ADGRA3: variants seen among roughly 807,000 people sequenced by gnomAD.
The protein encoded by ADGRA3 is adhesion G protein-coupled receptor A3.
ADGRA3 carries 56 observed loss-of-function variants against 119.8 expected under a neutral mutation model. The observed-to-expected ratio is 0.47, with a 90% CI of 0.38 to 0.58. ADGRA3 has a LOEUF of 0.58. ADGRA3 is among the 20% of genes least tolerant of loss of function. The pLI, the probability that ADGRA3 is intolerant of heterozygous loss-of-function variation, is 0.00. For missense variants in ADGRA3, 1,516 were observed against 1,649.0 expected, an observed-to-expected ratio of 0.92 and a Z score of 1.40; for synonymous variants, 607 against 623.8, an observed-to-expected ratio of 0.97 and a Z score of 0.40.
At chr4:22,461,107 C>T (rs16872686) in intron 3 of ADGRA3, among the ~76,000 whole-genome samples, 10,990 of 152,122 alleles carry the variant, frequency 0.072, 611 homozygotes, top group East Asian at 0.18. Context: ...TAAAAGGTAC[C>T]TCTGTTTATA....
chr4:22,413,348 G>A lies in ADGRA3; in HGVS notation c.2066C>T (p.Thr689Ile), dbSNP rs1332604226. The A allele has an allele frequency of 3.1e-6, 5 of 1,614,050 alleles. No individual in the cohort carries two copies. The highest frequency in any genetic ancestry group is 1.1e-5 in the South Asian group (1 of 91,084). Reference sequence around the variant, plus strand: ...TGCTCCATGTGCAATTCGACGCAGTGTCACATTAACAGGGATGTGGTGGGT... The same window carrying A: ...TGCTCCATGTGCAATTCGACGCAGTATCACATTAACAGGGATGTGGTGGGT... ...VDTHHIPVNV[T>I]LRRIAHGADA... Residue 689 changes from threonine (T) to isoleucine (I), a missense_variant, in exon 14 of 19, where the codon ACA (threonine) becomes ATA (isoleucine). Physicochemically the swap from Thr to Ile is moderately conservative, Grantham distance 89. Around this residue, in one of 2 missense-constraint regions of ADGRA3, gnomAD observed 1,088 missense variants for 1,107.1 expected, o/e 0.98. Transcript: ENST00000334304.
intron 11 of ADGRA3, among the ~76,000 whole-genome samples, chr4:22,421,333 G>C (rs1374841777): frequency 6.6e-6 from 1 of 151,480 alleles, no homozygotes. Context: ...AAGAAGTCAT[G>C]AAGTACAGAA....
At position 22,486,648 on chromosome 4, in the gene ADGRA3, G is replaced by A. The variant is rs147740111; in HGVS notation, c.258-12805C>T. Among the ~76,000 whole-genome samples, 10 of 152,246 alleles carry A rather than the reference G, an allele frequency of 6.6e-5. No homozygotes were observed. In the East Asian group the frequency reaches 1.9e-3, roughly 29 times the overall value. On this transcript the variant is annotated intron_variant, in intron 1 of 18. Coordinates refer to ENST00000334304, the MANE Select transcript of ADGRA3 (RefSeq NM_145290.4). ...GGGTGAGGATGTGGTTCAGTGCCCT[G>A]GCTGGCAACTCTAACCTATTTTGTA...
At chr4:22,416,842 T>G (rs1282421660) in intron 12 of ADGRA3, among the ~76,000 whole-genome samples, 1 of 152,160 alleles carries the variant, frequency 6.6e-6, no homozygotes, top group Non-Finnish European at 1.5e-5. Flanking sequence ...ACAATGACAC[T>G]AAGCTAAAAG....
intron 1 of ADGRA3, among the ~76,000 whole-genome samples, chr4:22,500,022 G>T (rs1326421435): frequency 1.3e-5 from 2 of 152,160 alleles, no homozygotes; most frequent in South Asian, 2.1e-4. Flanking sequence ...GCTCCAAAGA[G>T]CATTTCCTAT....
At position 22,497,782 on chromosome 4, in the gene ADGRA3, A is replaced by G. The variant is rs868569711; in HGVS notation, c.257+17746T>C. Among the ~76,000 whole-genome samples, 159 of 118,136 alleles carry G rather than the reference A, an allele frequency of 1.3e-3. No homozygotes were observed. The Middle Eastern group carries it at 0.019, about 14-fold the overall frequency. The allele number at this position is 118,136 out of a possible 152,430, so 77.5% of individuals were successfully genotyped here. ...CTCAAAAAAAAAAAAAAAAAAAAAA[A>G]GGGATCAAGTGTTCAGGCCGGGTGT... On this transcript the variant is annotated intron_variant, in intron 1 of 18. Coordinates refer to ENST00000334304, the MANE Select transcript of ADGRA3 (RefSeq NM_145290.4).
At chr4:22,414,727 T>G in intron 12 of ADGRA3, 1 of 601,360 alleles carries the variant, frequency 1.7e-6, no homozygotes, top group South Asian at 2.1e-5. Flanking sequence ...ATTGCTCAGA[T>G]GTATCCCCTG....
intron 14 of ADGRA3, among the ~76,000 whole-genome samples, chr4:22,408,355 A>C (rs1715041972): frequency 6.6e-6 from 1 of 152,146 alleles, no homozygotes; most frequent in Admixed American, 6.5e-5. Context: ...GAGGAAAAAA[A>C]AAGGCATGAA....
chr4:22,397,175 C>CTTTTTT (rs56918685), intron 16 of ADGRA3, among the ~76,000 whole-genome samples: 27 of 93,228 alleles, frequency 2.9e-4, no homozygotes, highest in East Asian at 1.9e-3. Flanking sequence ...TACTGTAATT[C>CTTTTTT]TTTTTTTTTT....
At chr4:22,484,647 ATACCATGCAGAATACAAATG>A (rs1470804274) in intron 1 of ADGRA3, among the ~76,000 whole-genome samples, 2 of 141,858 alleles carry the variant, frequency 1.4e-5, no homozygotes, top group Admixed American at 1.4e-4. Context: ...TACTAAAATG[ATACCATGCAGAATACAAATG>A]GTTAAGTGAT....
chr4:22,515,886 G>A lies in ADGRA3; in HGVS notation c.-102C>T, dbSNP rs1276062811. ...GCGCGGCGCGGGCCCAGCGGCGACC[G>A]GAGCCTTATGGCGGCCGGAGGACGG... On this transcript the variant is annotated 5_prime_UTR_variant, in exon 1 of 19. Transcript: ENST00000334304. The A allele has an allele frequency of 2.6e-6, 2 of 774,878 alleles. No individual in the cohort carries two copies. The highest frequency in any genetic ancestry group is 3.1e-6 in the Non-Finnish European group (2 of 639,296). The allele number at this position is 774,878 out of a possible 1,614,324, so 48.0% of individuals were successfully genotyped here.
chr4:22,390,393 TATATATATAAAATACGTATTA>T (rs1714083235), intron 17 of ADGRA3, among the ~76,000 whole-genome samples: 1 of 23,570 alleles, frequency 4.2e-5, no homozygotes. Flanking sequence ...ACGTATTATA[TATATATATAAAATACGTATTA>T]TATATATATA....
At chr4:22,416,144 C>T (rs764167171) in intron 12 of ADGRA3, among the ~76,000 whole-genome samples, 2 of 152,082 alleles carry the variant, frequency 1.3e-5, no homozygotes, top group Non-Finnish European at 2.9e-5. Context: ...TATTAGTCAC[C>T]GCAAAACACT....
At chr4:22,473,534 G>A (rs1717929622) in intron 2 of ADGRA3, among the ~76,000 whole-genome samples, 1 of 152,186 alleles carries the variant, frequency 6.6e-6, no homozygotes, top group East Asian at 1.9e-4. Flanking sequence ...TTCAACGGCA[G>A]AGGTGAGTCA....
chr4:22,475,455 G>A (rs1285972646), intron 1 of ADGRA3, among the ~76,000 whole-genome samples: 4 of 152,114 alleles, frequency 2.6e-5, no homozygotes, highest in Non-Finnish European at 5.9e-5. Flanking sequence ...CAATGAGGCC[G>A]GGGGCGGCGG....
At position 22,435,388 on chromosome 4, in the gene ADGRA3, C is replaced by G; in HGVS notation, c.1366G>C (p.Asp456His). 2 of 1,613,670 alleles carry G rather than the reference C, an allele frequency of 1.2e-6. No individual in the cohort carries two copies. The highest frequency in any genetic ancestry group is 1.7e-6 in the Non-Finnish European group (2 of 1,179,718). Residue 456 changes from aspartate to histidine, a missense_variant, in exon 10 of 19, where the codon GAC becomes CAC. Physicochemically the swap from Asp to His is moderately conservative, Grantham distance 81. Transcript: ENST00000334304. ...AYTVEAANFS[D>H]KMDVIFVAEM... ...GCCACAAATATAACATCCATTTTGT[C>G]AGAAAAGTTGGCTGCTTCCACAGTG... is the stretch of plus-strand genomic sequence containing the variant.
rs2108994805 is a variant in ADGRA3, at chr4:22,392,596, T to A, written c.2576A>T (p.Lys859Ile). The stretch of plus-strand genomic sequence containing the variant: ...TGGTTCATCAGGATCCTGGCATCTT[T>A]TAGCTTTTTTAGTGACTTGTTTGTA... Reference protein sequence around the residue: ...NIYKQVTKKAKRCQDPDEPPP... With the variant: ...NIYKQVTKKAIRCQDPDEPPP... The change falls in exon 17 of 19, where the codon AAA (lysine) becomes ATA (isoleucine). Residue 859 changes from lysine (K) to isoleucine (I), a missense_variant. Transcript: ENST00000334304. 6.2e-7 allele frequency: 1 copy of A among 1,614,048 alleles called. No homozygotes were observed. Among genetic ancestry groups the A allele is most frequent in the African/African-American group, 1.3e-5 (1 of 75,034 alleles).
intron 14 of ADGRA3, among the ~76,000 whole-genome samples, chr4:22,405,305 C>A (rs1714855494): frequency 6.6e-6 from 1 of 151,994 alleles, no homozygotes; most frequent in African/African-American, 2.4e-5. Context: ...TTGGGAGGCC[C>A]AAGGCAGGAG....
chr4:22,401,481 C>A lies in ADGRA3; in HGVS notation c.2431G>T (p.Val811Phe), dbSNP rs755799959. Reference protein sequence around the residue: ...LCFHIFLTCVVFVGGITQTRN... With the variant: ...LCFHIFLTCVFFVGGITQTRN... ...GTCTGGGTTATTCCTCCCACAAAGA[C>A]CACACAGGTTAGGAAAATATGAAAG... Residue 811 changes from valine to phenylalanine, a missense_variant, in exon 16 of 19, where the codon GTC becomes TTC. Coordinates refer to ENST00000334304, the MANE Select transcript of ADGRA3 (RefSeq NM_145290.4). 2.5e-6 allele frequency: 4 copies of A among 1,612,016 alleles called. No individual in the cohort carries two copies. The East Asian group carries it at 6.7e-5, about 27-fold the overall frequency.
Sources: allele counts gnomAD v4.1 joint callset (sites outside exome capture counted in the v4.1 genomes callset), GRCh38; gene constraint gnomAD v4.1.1; regional missense constraint gnomAD v4.1.1; transcripts MANE v1.5; gene names NCBI Gene and HGNC (gene_info 2026-07-23, HGNC 2026-07-21).